The following CNTRL variants were observed in gnomAD, a reference collection of about 807,000 sequenced individuals.
CNTRL encodes the protein centriolin.
A neutral mutation model predicts 303.7 loss-of-function variants in CNTRL; 233 were observed. The observed-to-expected ratio is 0.77, with a 90% CI of 0.69 to 0.86. The LOEUF is 0.86. Among genes scored for constraint, CNTRL ranks in the 40% least tolerant of loss-of-function variants. The probability of loss-of-function intolerance (pLI) is 0.00; values close to 1 mark genes in which losing one functional copy is unlikely to be tolerated. For missense variants in CNTRL, 2,524 were observed against 2,650.6 expected, an observed-to-expected ratio of 0.95 and a Z score of 1.05; for synonymous variants, 900 against 922.2, an observed-to-expected ratio of 0.98 and a Z score of 0.44.
At chr9:121,127,726 C>T (rs118130982) in intron 14 of CNTRL, among the ~76,000 whole-genome samples, 12,033 of 151,690 alleles carry the variant, frequency 0.079, 519 homozygotes, top group Non-Finnish European at 0.11. Flanking sequence ...ACATGTTTCA[C>T]GTTGGTTTGC....
At chr9:121,171,700 A>C (rs2053312463) in intron 40 of CNTRL, 152 bp downstream of exon 40, 1 of 625,812 alleles carries the variant, frequency 1.6e-6, no homozygotes, top group Admixed American at 3.6e-5. Flanking sequence ...TTTTAGCCTT[A>C]AAATTTAGAA....
At chr9:121,119,106 G>GTGTGTA (rs1554747357) in intron 12 of CNTRL, among the ~76,000 whole-genome samples, 1 of 149,040 alleles carries the variant, frequency 6.7e-6, no homozygotes. Flanking sequence ...GTGTGTGTGT[G>GTGTGTA]TATACACACA....
intron 7 of CNTRL, among the ~76,000 whole-genome samples, chr9:121,099,610 C>T (rs112458996): frequency 0.082 from 12,450 of 152,048 alleles, 1,202 homozygotes; most frequent in African/African-American, 0.22. Context: ...CAAACTTCTC[C>T]GAGCTAAAGG....
chr9:121,140,502 G>A lies in CNTRL; in HGVS notation c.2338-139G>A, dbSNP rs1051410838. ...GAGTTTGAAGTAGATTAATCATACG[G>A]AAATTTTAGAAATTTCTTTTTACTT... is the stretch of plus-strand genomic sequence containing the variant. On this transcript the variant is annotated intron_variant, in intron 16 of 43. Coordinates refer to ENST00000373855, the MANE Select transcript of CNTRL (RefSeq NM_007018.6). The A allele has an allele frequency of 4.4e-6, 3 of 677,632 alleles. No homozygotes were observed. The Admixed American group carries it at 1.1e-4, about 24-fold the overall frequency. The allele number at this position is 677,632 out of a possible 1,614,324, so 42.0% of individuals were successfully genotyped here.
At chr9:121,142,780 C>T (rs1185915395) in intron 19 of CNTRL, among the ~76,000 whole-genome samples, 3 of 152,188 alleles carry the variant, frequency 2.0e-5, no homozygotes, top group African/African-American at 4.8e-5. Flanking sequence ...TTGCTGGTAT[C>T]CACACACTTA....
intron 7 of CNTRL, among the ~76,000 whole-genome samples, chr9:121,105,364 G>A (rs1438572552): frequency 6.6e-6 from 1 of 152,214 alleles, no homozygotes; most frequent in Non-Finnish European, 1.5e-5. Context: ...TAAGTGGCTA[G>A]ATGGTGATAT....
At chr9:121,130,264 G>A (rs2050777074) in intron 14 of CNTRL, among the ~76,000 whole-genome samples, 2 of 152,010 alleles carry the variant, frequency 1.3e-5, no homozygotes, top group African/African-American at 4.8e-5. Flanking sequence ...TGGTCCTGGA[G>A]TTTTTTTGGT....
intron 14 of CNTRL, among the ~76,000 whole-genome samples, chr9:121,130,662 GC>G (rs1244512013): frequency 1.6e-4 from 24 of 151,942 alleles, no homozygotes; most frequent in African/African-American, 5.6e-4. Context: ...GTTGTTTCTT[GC>G]CTTCTGCTAG....
Position 121,095,796 on chromosome 9 carries a change from G to A in CNTRL, c.480-626G>A, listed in dbSNP as rs948534099. Among the ~76,000 whole-genome samples, 3 of 152,290 alleles carry A rather than the reference G, an allele frequency of 2.0e-5. No homozygotes were observed. In the East Asian group the frequency reaches 5.8e-4, roughly 29 times the overall value. ...AGAAGCTTAGAAATATTTACCCAGT[G>A]TAGATAGAGGCTTTGAAGTATTTGT... On this transcript the variant is annotated intron_variant, in intron 5 of 43. Transcript: ENST00000373855.
intron 17 of CNTRL, among the ~76,000 whole-genome samples, chr9:121,141,136 T>C (rs1189525951): frequency 6.6e-6 from 1 of 152,212 alleles, no homozygotes; most frequent in African/African-American, 2.4e-5. Context: ...ATTTCAAATA[T>C]ATGAAATGGA....
intron 15 of CNTRL, among the ~76,000 whole-genome samples, chr9:121,136,966 G>A (rs928935709): frequency 1.3e-5 from 2 of 152,154 alleles, no homozygotes; most frequent in African/African-American, 4.8e-5. Context: ...ATTTGGCCAC[G>A]CAGAGGGGAC....
At chr9:121,159,336 C>G (rs1241991509) in intron 31 of CNTRL, among the ~76,000 whole-genome samples, 2 of 152,120 alleles carry the variant, frequency 1.3e-5, no homozygotes, top group Admixed American at 6.5e-5. Context: ...ATGCCACCTC[C>G]TCTTAGAAAA....
intron 2 of CNTRL, among the ~76,000 whole-genome samples, chr9:121,087,467 G>A (rs948098695): frequency 7.2e-5 from 11 of 152,132 alleles, no homozygotes; most frequent in African/African-American, 2.7e-4. Flanking sequence ...AAGGCACGTG[G>A]ATCACCTGAG....
At chr9:121,116,065 A>G (rs1479699633) in intron 11 of CNTRL, among the ~76,000 whole-genome samples, 1 of 152,154 alleles carries the variant, frequency 6.6e-6, no homozygotes, top group Non-Finnish European at 1.5e-5. Context: ...ATTTATTTAA[A>G]AAAAAGGAAA....
intron 20 of CNTRL, 111 bp from the exon 21 acceptor site, chr9:121,144,732 G>A: frequency 2.3e-6 from 2 of 868,008 alleles, no homozygotes; most frequent in Non-Finnish European, 3.8e-6. Flanking sequence ...CCTTTTCATG[G>A]ACAGCCTGGT....
At chr9:121,141,725 T>C (rs548663694) in intron 18 of CNTRL, 137 bp downstream of exon 18, 65 of 846,796 alleles carry the variant, frequency 7.7e-5, no homozygotes, top group Non-Finnish European at 1.1e-4. Context: ...TCAAGCTGGG[T>C]GTGACTAAAA....
intron 40 of CNTRL, among the ~76,000 whole-genome samples, chr9:121,172,147 C>A (rs1485872200): frequency 6.6e-6 from 1 of 152,088 alleles, no homozygotes; most frequent in African/African-American, 2.4e-5. Context: ...CCCCTGATGC[C>A]CCACATATAC....
chr9:121,161,151 C>A (rs925075998), intron 32 of CNTRL: 3 of 381,208 alleles, frequency 7.9e-6, no homozygotes, highest in East Asian at 3.7e-5. Context: ...TGTGTGCGCG[C>A]GTGCTCACGC....
chr9:121,148,830 G>C lies in CNTRL; in HGVS notation c.3618G>C (p.Arg1206Ser), dbSNP rs1425404172. 1 of 1,613,670 alleles carries C rather than the reference G, an allele frequency of 6.2e-7. No homozygotes were observed. Among genetic ancestry groups the C allele is most frequent in the Admixed American group, 1.7e-5 (1 of 60,014 alleles). ...ASGYWVYSPIRSGLHKLFPSR... is the reference protein window; with the variant it reads ...ASGYWVYSPISSGLHKLFPSR... ...GATACTGGGTTTATTCTCCCATCAG[G>C]AGTGGGTTACATAAACTGTTTCCAA... Residue 1206 changes from arginine (R) to serine (S), a missense_variant, in exon 24 of 44, where the codon AGG becomes AGC. Arg to Ser is a moderately radical substitution (Grantham distance 110, BLOSUM62 -1). Transcript: ENST00000373855.
Sources: gnomAD v4.1 joint callset for allele counts (sites outside exome capture counted in the v4.1 genomes callset) on GRCh38, gnomAD v4.1.1 for gene constraint, MANE v1.5 for transcripts, NCBI Gene and HGNC (gene_info 2026-07-23, HGNC 2026-07-21) for gene names.